Variants in POMGNT1 observed in about 807,000 individuals in gnomAD.
POMGNT1 encodes the protein protein O-linked-mannose beta-1,2-N-acetylglucosaminyltransferase 1.
In POMGNT1, 67 loss-of-function variants were observed where a neutral mutation model predicts 95.6. The ratio of observed to expected loss-of-function variants is 0.70; its 90% CI spans 0.58 to 0.86. POMGNT1 has a LOEUF of 0.86. POMGNT1 is among the 40% of genes least tolerant of loss of function. The pLI, the probability that POMGNT1 is intolerant of heterozygous loss-of-function variation, is 0.00. For missense variants in POMGNT1, 719 were observed against 855.2 expected (o/e 0.84, Z 1.99); for synonymous variants, 298 against 317.9 (o/e 0.94, Z 0.66).
At chr1:46,211,348 T>C (rs1658888270) in intron 1 of POMGNT1, among the ~76,000 whole-genome samples, 1 of 151,942 alleles carries the variant, frequency 6.6e-6, no homozygotes, top group Non-Finnish European at 1.5e-5. Flanking sequence ...AGAGACTGTT[T>C]CCTGAAGCCT....
At chr1:46,194,219 C>T in intron 9 of POMGNT1, 55 bp downstream of exon 9, 1 of 1,613,936 alleles carries the variant, frequency 6.2e-7, no homozygotes, top group Non-Finnish European at 8.5e-7. Flanking sequence ...TTCCTGGGGC[C>T]CCCCTGCTGA....
At chr1:46,208,468 G>T (rs554865649) in intron 1 of POMGNT1, among the ~76,000 whole-genome samples, 1 of 152,178 alleles carries the variant, frequency 6.6e-6, no homozygotes, top group Non-Finnish European at 1.5e-5. Context: ...TCGAGGAAGG[G>T]CAAGGAAGAC....
intron 1 of POMGNT1, among the ~76,000 whole-genome samples, chr1:46,206,804 C>A (rs1658730774): frequency 6.6e-6 from 1 of 152,166 alleles, no homozygotes; most frequent in Non-Finnish European, 1.5e-5. Flanking sequence ...CTGAATGTGA[C>A]CTCCTTAGCA....
rs765589287 is a variant in POMGNT1 at position 46,196,986 on chromosome 1, C to T, written c.219G>A (p.Glu73=). 1.2e-6 allele frequency: 2 copies of T among 1,614,234 alleles called. No homozygotes were observed. Among genetic ancestry groups the T allele is most frequent in the Non-Finnish European group, 1.7e-6 (2 of 1,180,028 alleles). Residue 73 remains glutamate, a synonymous_variant, in exon 3 of 22, where the codon GAG becomes GAA. Transcript: ENST00000371984. This position sits in a 1 kb window ranked among gnomAD's most constrained non-coding sequence, Gnocchi z 4.4. Reference sequence around the variant, plus strand: ...TAGCCCTACCATAGTCTTGCTCTGGCTCTGGGTCTTCATTGGCTTCACTGA... The same window carrying T: ...TAGCCCTACCATAGTCTTGCTCTGGTTCTGGGTCTTCATTGGCTTCACTGA... ...RAISEANEDP[E]PEQDYDEALG...
intron 1 of POMGNT1, among the ~76,000 whole-genome samples, chr1:46,210,964 G>A (rs1658876776): frequency 6.9e-6 from 1 of 144,846 alleles, no homozygotes; most frequent in Non-Finnish European, 1.5e-5. Context: ...TTTTTTGGTA[G>A]AGACAGGGTT....
chr1:46,203,613 A>C, intron 1 of POMGNT1: 7 of 1,601,386 alleles, frequency 4.4e-6, no homozygotes, highest in Non-Finnish European at 6.0e-6. Context: ...CATGGCGCTG[A>C]AGATGGAGCT....
intron 1 of POMGNT1, among the ~76,000 whole-genome samples, chr1:46,204,097 T>C (rs903385288): frequency 4.6e-5 from 7 of 152,202 alleles, no homozygotes; most frequent in African/African-American, 4.8e-5. Flanking sequence ...GCCTATCTGC[T>C]GAAAACTACC....
chr1:46,192,999 T>C, intron 13 of POMGNT1, 41 bp from the exon 14 acceptor site: 1 of 1,612,222 alleles, frequency 6.2e-7, no homozygotes, highest in Non-Finnish European at 8.5e-7. Flanking sequence ...AAGGGGTCTC[T>C]CCATCCTGTG....
In POMGNT1 at chr1:46,190,475, G is replaced by T; in HGVS notation, c.1647C>A (p.Leu549=). 1 of 1,598,554 alleles carries T rather than the reference G, an allele frequency of 6.3e-7. No homozygotes were observed. Among genetic ancestry groups the T allele is most frequent in the South Asian group, 1.1e-5 (1 of 90,710 alleles). ...EAYEVEVHRL[L]SEAEVLDHSK... is the part of the protein sequence containing the mutation. Reference sequence around the variant, plus strand: ...ACCCCAATTGTCCTAGGCCATACCTGAGCAGCCTGTGAACTTCCACTTCAT... The same window carrying T: ...ACCCCAATTGTCCTAGGCCATACCTTAGCAGCCTGTGAACTTCCACTTCAT... The change falls in exon 19 of 22, where the codon CTC becomes CTA. Residue 549 remains leucine (L), a splice_region_variant and synonymous_variant. Coordinates refer to ENST00000371984, the MANE Select transcript of POMGNT1 (RefSeq NM_017739.4).
Position 46,196,050 on chromosome 1 carries a change from C to G in POMGNT1, c.382G>C (p.Gly128Arg). The change falls in exon 5 of 22, where the codon GGC becomes CGC. Residue 128 changes from glycine to arginine, a missense_variant. Physicochemically the swap from Gly to Arg is moderately radical, Grantham distance 125 (BLOSUM62 -2). This residue lies in a region of POMGNT1 where 466 missense variants were observed against 517.4 expected (regional missense o/e 0.90). Transcript: ENST00000371984. The surrounding 1 kb of genome is among the most constrained non-coding windows in gnomAD (Gnocchi z 4.4). ...AGGACAATGACATGGATGCCCCGGC[C>G]CTGCTCCCGGGCCTCATCCTCCAGC... ...TVLEDEAREQ[G>R]RGIHVIVLNQ... is the part of the protein sequence containing the mutation. 1 of 1,613,952 alleles carries G rather than the reference C, an allele frequency of 6.2e-7. No homozygotes were observed. Among genetic ancestry groups the G allele is most frequent in the Non-Finnish European group, 8.5e-7 (1 of 1,180,016 alleles).
intron 1 of POMGNT1, among the ~76,000 whole-genome samples, chr1:46,213,137 A>G (rs539360689): frequency 1.3e-5 from 2 of 152,126 alleles, no homozygotes; most frequent in Admixed American, 6.6e-5. Context: ...TTATGTGTAT[A>G]TAAGTGTGTA....
At position 46,196,904 on chromosome 1, in the gene POMGNT1, A is replaced by C; in HGVS notation, c.236-55T>G. ...TCTCCTCAGCAGAGTCTCACCGCTT[A>C]GGGTCTGCCTGCCACTCCAGCTGTG... On this transcript the variant is annotated intron_variant, in intron 3 of 21. Coordinates refer to ENST00000371984, the MANE Select transcript of POMGNT1 (RefSeq NM_017739.4). The surrounding 1 kb of genome is among the most constrained non-coding windows in gnomAD (Gnocchi z 4.4). 6.2e-7 allele frequency: 1 copy of C among 1,614,184 alleles called. No individual in the cohort carries two copies. The highest frequency in any genetic ancestry group is 8.5e-7 in the Non-Finnish European group (1 of 1,180,024).
At chr1:46,192,470 C>G (rs768726881) in intron 15 of POMGNT1, 34 bp from the exon 16 acceptor site, 2 of 1,614,160 alleles carry the variant, frequency 1.2e-6, no homozygotes, top group Admixed American at 3.3e-5. Context: ...GAGGTATTAG[C>G]TGAGGCCTCA....
chr1:46,212,096 G>A (rs1358314422), intron 1 of POMGNT1, among the ~76,000 whole-genome samples: 2 of 151,944 alleles, frequency 1.3e-5, no homozygotes, highest in Non-Finnish European at 2.9e-5. Flanking sequence ...GTCTTACTCT[G>A]GTTTATCATA....
At chr1:46,199,660 T>G (rs1279471244), upstream of POMGNT1, among the ~76,000 whole-genome samples, 3 of 152,162 alleles carry the variant, frequency 2.0e-5, no homozygotes, top group Non-Finnish European at 2.9e-5. Flanking sequence ...GAACCTTTAC[T>G]TTTTTTGTGG....
chr1:46,192,377 C>G lies in POMGNT1; in HGVS notation c.1344G>C (p.Gly448=), dbSNP rs183932527. 1.9e-6 allele frequency: 3 copies of G among 1,614,096 alleles called. No homozygotes were observed. Among genetic ancestry groups the G allele is most frequent in the Non-Finnish European group, 2.5e-6 (3 of 1,180,044 alleles). The change falls in exon 16 of 22, where the codon GGG becomes GGC. Residue 448 remains glycine, a synonymous_variant. Coordinates refer to ENST00000371984, the MANE Select transcript of POMGNT1 (RefSeq NM_017739.4). ...AGGACCTCCTGAGCACCCAGCCCAG[C>G]CCAGGCATGGTCTCCACACGGTACA... ...ALLYRVETMP[G]LGWVLRRSLY...
At chr1:46,203,905 A>T (rs954646399) in intron 1 of POMGNT1, among the ~76,000 whole-genome samples, 4 of 151,950 alleles carry the variant, frequency 2.6e-5, no homozygotes, top group African/African-American at 9.7e-5. Flanking sequence ...GAGGAGAGAG[A>T]TGAGGACTGG....
intron 1 of POMGNT1, among the ~76,000 whole-genome samples, chr1:46,215,841 C>T (rs1218287917): frequency 6.6e-6 from 1 of 151,934 alleles, no homozygotes; most frequent in Non-Finnish European, 1.5e-5. Flanking sequence ...AGGCTGTAGT[C>T]AACCATGATT....
intron 1 of POMGNT1, among the ~76,000 whole-genome samples, chr1:46,203,951 C>G (rs868694894): frequency 6.6e-6 from 1 of 152,098 alleles, no homozygotes; most frequent in African/African-American, 2.4e-5. Flanking sequence ...CAAATTCCCC[C>G]CGCCTGTATG....
Sources: gnomAD v4.1 joint callset for allele counts (sites outside exome capture counted in the v4.1 genomes callset) on GRCh38, gnomAD v4.1.1 for gene constraint, gnomAD v4.1.1 regional missense constraint, Gnocchi (gnomAD v3.1) non-coding constraint, MANE v1.5 for transcripts, NCBI Gene and HGNC (gene_info 2026-07-23, HGNC 2026-07-21) for gene names.